DAB1: variants seen among roughly 807,000 people sequenced by gnomAD.
DAB1 encodes DAB adaptor protein 1.
DAB1 carries 15 observed loss-of-function variants against 64.6 expected under a neutral mutation model. That is an observed-to-expected ratio of 0.23 (90% CI 0.16 to 0.36). DAB1 has a LOEUF of 0.36. Ranked by LOEUF, DAB1 falls within the 10% of genes least tolerant of loss-of-function variation. The probability of loss-of-function intolerance (pLI) is 1.00; values close to 1 mark genes in which losing one functional copy is unlikely to be tolerated. For missense variants in DAB1, 596 were observed against 706.7 expected (o/e 0.84, Z 1.78); for synonymous variants, 235 against 251.9 (o/e 0.93, Z 0.64).
At chr1:58,148,247 T>A (rs1036376063) in intron 5 of DAB1, among the ~76,000 whole-genome samples, 1 of 152,196 alleles carries the variant, frequency 6.6e-6, no homozygotes, top group African/African-American at 2.4e-5. Context: ...ACTATTGCAC[T>A]TATCTCTTAA....
chr1:57,037,005 G>C (rs1417588990), intron 9 of DAB1, among the ~76,000 whole-genome samples: 1 of 152,138 alleles, frequency 6.6e-6, no homozygotes, highest in Non-Finnish European at 1.5e-5. Flanking sequence ...TTCCAAATCA[G>C]AAACCTGCTG....
At chr1:57,108,769 C>T (rs1285049954) in intron 4 of DAB1, among the ~76,000 whole-genome samples, 1 of 152,154 alleles carries the variant, frequency 6.6e-6, no homozygotes, top group Middle Eastern at 3.2e-3. Context: ...TGTTGAAACT[C>T]CTACAGTGAG....
At chr1:57,234,455 A>G (rs2100446149) in intron 2 of DAB1, among the ~76,000 whole-genome samples, 1 of 152,336 alleles carries the variant, frequency 6.6e-6, no homozygotes, top group South Asian at 2.1e-4. Context: ...TTAGGTGTCA[A>G]TAATTGTATT....
chr1:57,981,299 C>T (rs151323441), intron 5 of DAB1, among the ~76,000 whole-genome samples: 106 of 149,782 alleles, frequency 7.1e-4, no homozygotes, highest in Non-Finnish European at 7.8e-4. Flanking sequence ...TAAATATAAG[C>T]GAAGAAGGAG....
At chr1:57,036,764 TG>T (rs547411775) in intron 9 of DAB1, among the ~76,000 whole-genome samples, 151 of 152,364 alleles carry the variant, frequency 9.9e-4, no homozygotes, top group African/African-American at 2.5e-3. Flanking sequence ...ATTCTCATGT[TG>T]TTTCAATATG....
intron 3 of DAB1, among the ~76,000 whole-genome samples, chr1:58,447,739 G>C (rs1411226848): frequency 6.6e-6 from 1 of 152,034 alleles, no homozygotes; most frequent in African/African-American, 2.4e-5. Context: ...TTTGGACTGA[G>C]ATCTAAAAGA....
At chr1:57,908,828 T>G (rs1327076490) in intron 5 of DAB1, among the ~76,000 whole-genome samples, 2 of 152,152 alleles carry the variant, frequency 1.3e-5, no homozygotes, top group South Asian at 4.1e-4. Context: ...CATGGAGGCA[T>G]ATGGTTTAGA....
chr1:57,564,191 T>G (rs1645088563), intron 7 of DAB1, among the ~76,000 whole-genome samples: 1 of 152,154 alleles, frequency 6.6e-6, no homozygotes, highest in Non-Finnish European at 1.5e-5. Flanking sequence ...GGAGTGAACC[T>G]CCAGCAAACT....
intron 9 of DAB1, among the ~76,000 whole-genome samples, chr1:57,032,462 ACACT>A (rs1349058009): frequency 9.2e-5 from 14 of 152,120 alleles, no homozygotes; most frequent in Admixed American, 9.2e-4. Flanking sequence ...CCCACCTAGA[ACACT>A]CATTCCTTCT....
At chr1:57,404,220 T>C (rs1033267636) in intron 1 of DAB1, among the ~76,000 whole-genome samples, 1 of 152,172 alleles carries the variant, frequency 6.6e-6, no homozygotes, top group African/African-American at 2.4e-5. Flanking sequence ...TAAAGAGATA[T>C]GGGAATAATG....
At chr1:57,044,958 A>T (rs181489975) in intron 9 of DAB1, among the ~76,000 whole-genome samples, 3 of 152,344 alleles carry the variant, frequency 2.0e-5, no homozygotes, top group African/African-American at 7.2e-5. Flanking sequence ...TCATTTAATT[A>T]TCGCAACAAA....
intron 5 of DAB1, among the ~76,000 whole-genome samples, chr1:57,974,292 G>A (rs1301498818): frequency 1.3e-5 from 2 of 151,970 alleles, no homozygotes; most frequent in East Asian, 3.9e-4. Context: ...GTTTAACAAT[G>A]AGTGCCATTT....
At chr1:57,815,088 T>A (rs895935774) in intron 6 of DAB1, among the ~76,000 whole-genome samples, 5 of 152,152 alleles carry the variant, frequency 3.3e-5, no homozygotes, top group Admixed American at 1.3e-4. Context: ...GTTTGTTTTT[T>A]TGAGACAGAG....
chr1:57,023,690 T>A (rs1266508844), intron 10 of DAB1, 51 bp from the exon 11 acceptor site: 5 of 1,235,968 alleles, frequency 4.0e-6, no homozygotes, highest in Non-Finnish European at 5.9e-6. Flanking sequence ...TTAGCAGTCA[T>A]CAAGGCTGGG....
intron 5 of DAB1, among the ~76,000 whole-genome samples, chr1:58,090,553 T>A (rs958050946): frequency 1.3e-5 from 2 of 152,234 alleles, no homozygotes; most frequent in African/African-American, 4.8e-5. Flanking sequence ...AACTTTTCCC[T>A]ATCTCCCTTT....
intron 3 of DAB1, among the ~76,000 whole-genome samples, chr1:58,355,605 A>C (rs563426994): frequency 6.6e-6 from 1 of 151,852 alleles, no homozygotes; most frequent in Admixed American, 6.6e-5. Context: ...TTTTCCTTCC[A>C]CTCCTTTCCT....
intron 5 of DAB1, among the ~76,000 whole-genome samples, chr1:58,120,574 T>C (rs1652676544): frequency 1.3e-5 from 2 of 152,174 alleles, no homozygotes; most frequent in Admixed American, 1.3e-4. Context: ...CTGCACAATG[T>C]CTGGCCCACG....
intron 5 of DAB1, among the ~76,000 whole-genome samples, chr1:57,932,083 CTT>C (rs1322658590): frequency 1.3e-5 from 2 of 152,174 alleles, no homozygotes; most frequent in East Asian, 1.9e-4. Flanking sequence ...TTAAATTTCT[CTT>C]GAGATTGATT....
intron 3 of DAB1, among the ~76,000 whole-genome samples, chr1:58,504,459 T>C (rs115242622): frequency 1.3e-5 from 2 of 152,194 alleles, no homozygotes; most frequent in African/African-American, 2.4e-5. Context: ...CAACCGAACA[T>C]AGACTAGTAC....
Sources: allele counts gnomAD v4.1 joint callset (sites outside exome capture counted in the v4.1 genomes callset), GRCh38; gene constraint gnomAD v4.1.1; transcripts MANE v1.5; gene names NCBI Gene and HGNC (gene_info 2026-07-23, HGNC 2026-07-21).